RAP1GAP2: variants seen among roughly 807,000 people sequenced by gnomAD.
RAP1GAP2 encodes rap1 GTPase-activating protein 2.
RAP1GAP2 carries 27 observed loss-of-function variants against 95.0 expected under a neutral mutation model. The observed-to-expected ratio is 0.28, with a 90% CI of 0.21 to 0.39. The LOEUF is 0.39. Among genes scored for constraint, RAP1GAP2 ranks in the 10% least tolerant of loss-of-function variants. RAP1GAP2 has a pLI of 1.00. For synonymous variants in RAP1GAP2, 373 were observed against 380.9 expected, an observed-to-expected ratio of 0.98 and a Z score of 0.24; for missense variants, 771 against 970.0, an observed-to-expected ratio of 0.79 and a Z score of 2.72.
chr17:3,009,032 C>T (rs1024087856), intron 17 of RAP1GAP2, among the ~76,000 whole-genome samples: 2 of 152,102 alleles, frequency 1.3e-5, no homozygotes, highest in Non-Finnish European at 2.9e-5. Context: ...TTTGGAAACT[C>T]CCATCTGGGG....
intron 3 of RAP1GAP2, among the ~76,000 whole-genome samples, chr17:2,951,800 G>A (rs1274771488): frequency 4.6e-5 from 7 of 152,254 alleles, no homozygotes; most frequent in Non-Finnish European, 8.8e-5. Flanking sequence ...TGGGGAGGCC[G>A]AGGCAGGCGG....
intron 3 of RAP1GAP2, among the ~76,000 whole-genome samples, chr17:2,934,171 G>A (rs1012589397): frequency 6.6e-6 from 1 of 152,114 alleles, no homozygotes; most frequent in Admixed American, 6.5e-5. Context: ...TTGTTCCGTT[G>A]CCCAGGCTGG....
In RAP1GAP2 at chr17:3,026,134, G is replaced by A. The variant is rs752077252; in HGVS notation, c.1865+13G>A. Reference sequence around the variant, plus strand: ...CCAACAAGGAGAAGTAAGAGAGTGAGGGTGGGAAAGGCCAGCTTCGGCCAC... The same window carrying A: ...CCAACAAGGAGAAGTAAGAGAGTGAAGGTGGGAAAGGCCAGCTTCGGCCAC... On this transcript the variant is annotated intron_variant, in intron 20 of 24. Transcript: ENST00000254695. 18 of 1,592,976 alleles carry A rather than the reference G, an allele frequency of 1.1e-5. No individual in the cohort carries two copies. In the South Asian group the frequency reaches 2.0e-4, roughly 18 times the overall value.
chr17:2,986,820 T>C (rs192147245), intron 11 of RAP1GAP2, among the ~76,000 whole-genome samples: 1 of 152,298 alleles, frequency 6.6e-6, no homozygotes, highest in East Asian at 1.9e-4. Flanking sequence ...GCAAGAGAAG[T>C]GCAGGTCCCA....
chr17:2,955,376 A>G (rs529338987), intron 3 of RAP1GAP2, among the ~76,000 whole-genome samples: 10 of 152,222 alleles, frequency 6.6e-5, no homozygotes, highest in African/African-American at 1.9e-4. Flanking sequence ...CCTGATGACT[A>G]ATGGCTTGAG....
chr17:2,858,131 A>G (rs565226124), intron 2 of RAP1GAP2, among the ~76,000 whole-genome samples: 39 of 152,192 alleles, frequency 2.6e-4, no homozygotes, highest in Non-Finnish European at 4.3e-4. Flanking sequence ...AGATGTGGAT[A>G]AAGTCACTGT....
At chr17:2,948,621 A>G (rs1945978551) in intron 3 of RAP1GAP2, among the ~76,000 whole-genome samples, 1 of 149,094 alleles carries the variant, frequency 6.7e-6, no homozygotes, top group African/African-American at 2.5e-5. Context: ...TGTCTGCAGG[A>G]GAAGCCGTGT....
At chr17:2,882,087 T>TTAC (rs2073322071) in intron 2 of RAP1GAP2, among the ~76,000 whole-genome samples, 1 of 150,794 alleles carries the variant, frequency 6.6e-6, no homozygotes, top group Non-Finnish European at 1.5e-5. Flanking sequence ...CTCAAAGTGC[T>TTAC]GGGATTACAG....
intron 1 of RAP1GAP2, among the ~76,000 whole-genome samples, chr17:2,763,136 A>G (rs1187105239): frequency 6.6e-6 from 1 of 152,166 alleles, no homozygotes; most frequent in Non-Finnish European, 1.5e-5. Flanking sequence ...ATTCAATGCA[A>G]TCCAATTCAG....
chr17:2,851,136 C>G (rs1254773241), intron 2 of RAP1GAP2, among the ~76,000 whole-genome samples: 1 of 151,942 alleles, frequency 6.6e-6, no homozygotes, highest in Non-Finnish European at 1.5e-5. Context: ...CAGCATGACA[C>G]TAAGACAAAG....
At chr17:3,007,827 G>A (rs2046383786) in intron 16 of RAP1GAP2, among the ~76,000 whole-genome samples, 184 bp from the exon 17 acceptor site, 1 of 152,142 alleles carries the variant, frequency 6.6e-6, no homozygotes, top group African/African-American at 2.4e-5. Flanking sequence ...GGCCGAGCAC[G>A]CAGCCTTCAT....
In RAP1GAP2 at chr17:3,005,258, C is replaced by T; in HGVS notation, c.1201-111C>T. On this transcript the variant is annotated intron_variant, in intron 14 of 24. Transcript: ENST00000254695. This position sits in a 1 kb window ranked among gnomAD's most constrained non-coding sequence, Gnocchi z 5.2. ...CTCACAGGAGTATTTTGTTTGTGTT[C>T]TGGGAAGAGGAGGAGGGAGAAGGTG... The T allele has an allele frequency of 9.2e-7, 1 of 1,083,566 alleles. No homozygotes were observed. Among genetic ancestry groups the T allele is most frequent in the Non-Finnish European group, 1.4e-6 (1 of 698,688 alleles). 67.1% of individuals were successfully genotyped at this position (1,083,566 alleles called of 1,614,324 possible). A position where few individuals can be genotyped will look rare whatever the true frequency, so the allele number is the denominator to read the frequency against.
At chr17:2,938,766 C>T (rs1483946816) in intron 3 of RAP1GAP2, among the ~76,000 whole-genome samples, 2 of 152,054 alleles carry the variant, frequency 1.3e-5, no homozygotes, top group Non-Finnish European at 2.9e-5. Flanking sequence ...GCAGGTGGAT[C>T]ACCTGAGGTT....
intron 2 of RAP1GAP2, among the ~76,000 whole-genome samples, chr17:2,853,358 C>G (rs896096678): frequency 6.6e-6 from 1 of 152,020 alleles, no homozygotes; most frequent in Non-Finnish European, 1.5e-5. Flanking sequence ...CGCGCGTTTC[C>G]TCTTGGTGCC....
At chr17:2,921,715 A>ACGGGGCCATTAAGGTGTCCG (rs1555569369) in intron 3 of RAP1GAP2, among the ~76,000 whole-genome samples, 4 of 149,540 alleles carry the variant, frequency 2.7e-5, no homozygotes, top group South Asian at 2.1e-4. Context: ...TTATGTGTCC[A>ACGGGGCCATTAAGGTGTCCG]CAGGGCCGTT....
At chr17:2,939,080 C>T (rs2151426906) in intron 3 of RAP1GAP2, among the ~76,000 whole-genome samples, 1 of 152,298 alleles carries the variant, frequency 6.6e-6, no homozygotes, top group Non-Finnish European at 1.5e-5. Flanking sequence ...GTCCTCCAAG[C>T]CACCACTTAT....
chr17:2,994,830 A>G (rs1203174043), intron 12 of RAP1GAP2, among the ~76,000 whole-genome samples: 1 of 152,132 alleles, frequency 6.6e-6, no homozygotes, highest in African/African-American at 2.4e-5. Flanking sequence ...TGATTGATTG[A>G]TTGATGGAGT....
intron 3 of RAP1GAP2, among the ~76,000 whole-genome samples, chr17:2,923,176 A>T (rs373910056): frequency 1.3e-5 from 2 of 151,460 alleles, no homozygotes; most frequent in African/African-American, 2.4e-5. Flanking sequence ...AGCAGCTGGG[A>T]CTACAGGCAC....
intron 2 of RAP1GAP2, among the ~76,000 whole-genome samples, chr17:2,890,479 T>C (rs1369367546): frequency 6.6e-6 from 1 of 151,656 alleles, no homozygotes; most frequent in African/African-American, 2.4e-5. Context: ...GTTGGCTCTG[T>C]GATAGGGAAA....
Sources: gnomAD v4.1 joint callset for allele counts (sites outside exome capture counted in the v4.1 genomes callset) on GRCh38, gnomAD v4.1.1 for gene constraint, Gnocchi (gnomAD v3.1) non-coding constraint, MANE v1.5 for transcripts, NCBI Gene and HGNC (gene_info 2026-07-23, HGNC 2026-07-21) for gene names.